Variants in ADGRL3 observed in about 807,000 individuals in gnomAD.
The protein encoded by ADGRL3 is calcium-independent alpha-latrotoxin receptor 3.
In ADGRL3, 62 loss-of-function variants were observed where a neutral mutation model predicts 153.5. The observed-to-expected ratio is 0.40, with a 90% CI of 0.33 to 0.50. The LOEUF is 0.50. Ranked by LOEUF, ADGRL3 falls within the 20% of genes least tolerant of loss-of-function variation. ADGRL3 has a pLI of 0.47. For missense variants in ADGRL3, 1,641 were observed against 1,859.4 expected, an observed-to-expected ratio of 0.88 and a Z score of 2.16; for synonymous variants, 710 against 672.5, an observed-to-expected ratio of 1.06 and a Z score of -0.86.
chr4:61,432,824 T>C (rs1193421325), intron 2 of ADGRL3, among the ~76,000 whole-genome samples: 1 of 151,712 alleles, frequency 6.6e-6, no homozygotes, highest in Non-Finnish European at 1.5e-5. Flanking sequence ...TGGCTAATTT[T>C]GTATTTTTAG....
chr4:61,820,180 G>A (rs1326844087), intron 9 of ADGRL3, among the ~76,000 whole-genome samples: 1 of 152,118 alleles, frequency 6.6e-6, no homozygotes, highest in Non-Finnish European at 1.5e-5. Context: ...AAATACCTTT[G>A]AATAAAATGT....
At chr4:61,751,791 G>A (rs1223217437) in intron 8 of ADGRL3, among the ~76,000 whole-genome samples, 1 of 152,062 alleles carries the variant, frequency 6.6e-6, no homozygotes, top group African/African-American at 2.4e-5. Flanking sequence ...CAGACGTATT[G>A]CTAACAACAC....
At chr4:61,716,092 GA>G (rs2088126075) in intron 6 of ADGRL3, among the ~76,000 whole-genome samples, 1 of 151,772 alleles carries the variant, frequency 6.6e-6, no homozygotes, top group Non-Finnish European at 1.5e-5. Flanking sequence ...TGCTCAAATG[GA>G]AGCAAATTAG....
At chr4:61,471,015 G>C (rs569012107) in intron 2 of ADGRL3, among the ~76,000 whole-genome samples, 10 of 151,832 alleles carry the variant, frequency 6.6e-5, no homozygotes, top group Admixed American at 6.6e-4. Context: ...GTATATATTA[G>C]ATATTTACCA....
chr4:61,697,035 C>A (rs1334619612), intron 6 of ADGRL3, among the ~76,000 whole-genome samples: 1 of 151,746 alleles, frequency 6.6e-6, no homozygotes, highest in Non-Finnish European at 1.5e-5. Flanking sequence ...ATTCATAACC[C>A]CTTATGTATC....
At chr4:61,618,689 T>G (rs531632295) in intron 5 of ADGRL3, among the ~76,000 whole-genome samples, 50 of 152,214 alleles carry the variant, frequency 3.3e-4, no homozygotes, top group African/African-American at 1.2e-3. Context: ...TGCAAGCAGT[T>G]TTCAAGCCTA....
At chr4:61,319,753 C>T (rs66647264) in intron 1 of ADGRL3, among the ~76,000 whole-genome samples, 10,965 of 152,146 alleles carry the variant, frequency 0.072, 489 homozygotes, top group South Asian at 0.12. Flanking sequence ...TTAATTAATT[C>T]TATTTTAATG....
At chr4:61,814,854 T>C (rs1244512664) in intron 9 of ADGRL3, among the ~76,000 whole-genome samples, 6 of 152,108 alleles carry the variant, frequency 3.9e-5, no homozygotes, top group Non-Finnish European at 7.4e-5. Context: ...GTTTTCCAAA[T>C]GCCGCCTGTG....
At chr4:61,406,770 A>G (rs1400125060) in intron 2 of ADGRL3, among the ~76,000 whole-genome samples, 2 of 152,030 alleles carry the variant, frequency 1.3e-5, no homozygotes, top group Non-Finnish European at 2.9e-5. Flanking sequence ...TATTCTGTAC[A>G]ACTTATTCAG....
chr4:61,653,897 C>A (rs935932188), intron 5 of ADGRL3, among the ~76,000 whole-genome samples: 10 of 152,074 alleles, frequency 6.6e-5, no homozygotes, highest in African/African-American at 2.4e-4. Context: ...AGAGAAAAAT[C>A]CAGGTGTTCT....
At chr4:61,746,034 C>CA (rs1364715367) in intron 8 of ADGRL3, among the ~76,000 whole-genome samples, 1 of 151,476 alleles carries the variant, frequency 6.6e-6, no homozygotes, top group Non-Finnish European at 1.5e-5. Flanking sequence ...AAATGGAAAA[C>CA]AAAAAAAGGC....
chr4:61,566,218 A>G (rs942511020), intron 4 of ADGRL3, among the ~76,000 whole-genome samples: 3 of 152,162 alleles, frequency 2.0e-5, no homozygotes, highest in Non-Finnish European at 2.9e-5. Context: ...CTATGAAGAC[A>G]AGATTTGTTT....
chr4:61,591,287 A>T (rs987774393), intron 5 of ADGRL3, among the ~76,000 whole-genome samples: 7 of 152,208 alleles, frequency 4.6e-5, no homozygotes, highest in Non-Finnish European at 8.8e-5. Context: ...TTTCAATAGT[A>T]CAGTGATGTT....
At chr4:61,853,713 C>T (rs956148842) in intron 9 of ADGRL3, among the ~76,000 whole-genome samples, 2 of 152,178 alleles carry the variant, frequency 1.3e-5, no homozygotes, top group Non-Finnish European at 2.9e-5. Context: ...TCTTTAACTA[C>T]ATGATTTGCA....
intron 4 of ADGRL3, among the ~76,000 whole-genome samples, chr4:61,537,367 C>A (rs1299783593): frequency 6.6e-6 from 1 of 151,892 alleles, no homozygotes. Flanking sequence ...TGGTGATGTT[C>A]AGCTTGTGTT....
At chr4:61,854,777 G>T (rs935049648) in intron 9 of ADGRL3, among the ~76,000 whole-genome samples, 3 of 152,180 alleles carry the variant, frequency 2.0e-5, no homozygotes, top group African/African-American at 7.2e-5. Flanking sequence ...ACCTTTGTCA[G>T]ATGATGAAGT....
chr4:61,703,101 A>T (rs2151335588), intron 6 of ADGRL3, among the ~76,000 whole-genome samples: 1 of 152,140 alleles, frequency 6.6e-6, no homozygotes, highest in South Asian at 2.1e-4. Flanking sequence ...TTTGTATTTT[A>T]TTATACTATT....
intron 4 of ADGRL3, among the ~76,000 whole-genome samples, chr4:61,531,090 C>T (rs749094053): frequency 1.3e-5 from 2 of 152,014 alleles, no homozygotes; most frequent in East Asian, 1.9e-4. Flanking sequence ...TAGAATACCA[C>T]CTATGAAAGA....
intron 21 of ADGRL3, among the ~76,000 whole-genome samples, chr4:62,012,759 T>G (rs2099192496): frequency 6.6e-6 from 1 of 152,184 alleles, no homozygotes; most frequent in African/African-American, 2.4e-5. Context: ...CACCTATGAT[T>G]ATATTAATAT....
Sources: allele counts gnomAD v4.1 joint callset (sites outside exome capture counted in the v4.1 genomes callset), GRCh38; gene constraint gnomAD v4.1.1; transcripts MANE v1.5; gene names NCBI Gene and HGNC (gene_info 2026-07-23, HGNC 2026-07-21).